Variants in RABGEF1 observed in about 807,000 individuals in gnomAD.
The protein encoded by RABGEF1 is RAB guanine nucleotide exchange factor 1, also known as rab5 GDP/GTP exchange factor.
RABGEF1 carries 26 observed loss-of-function variants against 57.3 expected under a neutral mutation model. The ratio of observed to expected loss-of-function variants is 0.45; its 90% CI spans 0.33 to 0.63. RABGEF1 has a LOEUF of 0.63. RABGEF1 is among the 20% of genes least tolerant of loss of function. RABGEF1 has a pLI of 0.02. For synonymous variants in RABGEF1, 185 were observed against 210.7 expected (o/e 0.88, Z 1.06); for missense variants, 464 against 607.6 (o/e 0.76, Z 2.48).
the RABGEF1 span, among the ~76,000 whole-genome samples, chr7:66,670,150 C>T: frequency 6.6e-6 from 1 of 152,188 alleles, no homozygotes; most frequent in African/African-American, 2.4e-5. Context: ...TGAGGTTCAC[C>T]ATGACCTGGT....
intron 1 of RABGEF1, among the ~76,000 whole-genome samples, chr7:66,761,909 G>A (rs919280993): frequency 6.6e-6 from 1 of 151,974 alleles, no homozygotes; most frequent in African/African-American, 2.4e-5. Context: ...AAATTAGCTG[G>A]GCATGGTGGC....
intron 1 of RABGEF1, among the ~76,000 whole-genome samples, chr7:66,742,480 C>T (rs1052422411): frequency 2.6e-5 from 4 of 152,032 alleles, no homozygotes; most frequent in Admixed American, 6.6e-5. Flanking sequence ...GGGTGTGGAG[C>T]CTGGAAGGGA....
chr7:66,742,890 A>G (rs1383886759), intron 1 of RABGEF1, among the ~76,000 whole-genome samples: 1 of 152,206 alleles, frequency 6.6e-6, no homozygotes, highest in Non-Finnish European at 1.5e-5. Context: ...TACAGGCATC[A>G]GCTACCGAGC....
At chr7:66,795,822 T>C (rs1192258561) in intron 5 of RABGEF1, among the ~76,000 whole-genome samples, 1 of 152,136 alleles carries the variant, frequency 6.6e-6, no homozygotes, top group Admixed American at 6.5e-5. Flanking sequence ...AATAACTCCA[T>C]TGGGGCAGGG....
upstream of RABGEF1, among the ~76,000 whole-genome samples, chr7:66,738,014 G>GTTTTTGTTTTTTTT: frequency 7.1e-6 from 1 of 139,902 alleles, no homozygotes; most frequent in Non-Finnish European, 1.6e-5. Flanking sequence ...TGTGTTTTTT[G>GTTTTTGTTTTTTTT]TTTTTTTTGT....
At chr7:66,757,562 A>G (rs1237428448) in intron 1 of RABGEF1, among the ~76,000 whole-genome samples, 3 of 152,240 alleles carry the variant, frequency 2.0e-5, no homozygotes, top group Non-Finnish European at 4.4e-5. Flanking sequence ...TGCAGAGGGA[A>G]CACTATAGGA....
chr7:66,751,185 C>T (rs6968492), intron 1 of RABGEF1, among the ~76,000 whole-genome samples: 10,712 of 152,184 alleles, frequency 0.07, 1,219 homozygotes, highest in African/African-American at 0.24. Flanking sequence ...CGTGCGCCAC[C>T]GCACCTGGCT....
At chr7:66,788,452 A>C (rs978229385) in intron 4 of RABGEF1, among the ~76,000 whole-genome samples, 8 of 151,022 alleles carry the variant, frequency 5.3e-5, no homozygotes, top group Non-Finnish European at 1.0e-4. Context: ...TCAAAAAAAA[A>C]CAAAAAACAA....
chr7:66,663,546 C>T, the RABGEF1 span, among the ~76,000 whole-genome samples: 3 of 141,356 alleles, frequency 2.1e-5, no homozygotes, highest in African/African-American at 5.3e-5. Flanking sequence ...CCACTGCACT[C>T]CAGCCTGGCG....
At chr7:66,655,178 G>A in the RABGEF1 span, among the ~76,000 whole-genome samples, 6 of 152,248 alleles carry the variant, frequency 3.9e-5, no homozygotes, top group African/African-American at 1.4e-4. Flanking sequence ...TTTGAAGCCT[G>A]TGGTCCTGAC....
intron 1 of RABGEF1, among the ~76,000 whole-genome samples, chr7:66,765,765 G>T (rs545208963): frequency 3.3e-5 from 5 of 152,284 alleles, no homozygotes; most frequent in East Asian, 1.9e-4. Context: ...CTCTAACACA[G>T]TTGGAGGCAA....
upstream of RABGEF1, among the ~76,000 whole-genome samples, chr7:66,677,689 G>A (rs564224026): frequency 6.6e-6 from 1 of 150,606 alleles, no homozygotes; most frequent in Admixed American, 6.7e-5. Flanking sequence ...GTGAACCCGG[G>A]AGGGGGAGAA....
intron 1 of RABGEF1, among the ~76,000 whole-genome samples, chr7:66,704,282 T>C (rs1318035383): frequency 6.6e-6 from 1 of 152,178 alleles, no homozygotes; most frequent in Non-Finnish European, 1.5e-5. Flanking sequence ...TAACCACTCT[T>C]TTAGTTGTTG....
At chr7:66,717,564 C>T (rs565334259) in intron 2 of RABGEF1, among the ~76,000 whole-genome samples, 1 of 152,114 alleles carries the variant, frequency 6.6e-6, no homozygotes, top group South Asian at 2.1e-4. Context: ...CAAGACCAGC[C>T]TGGCCAGTAT....
chr7:66,773,223 CATGA>C (rs1807648718), intron 2 of RABGEF1, among the ~76,000 whole-genome samples: 1 of 152,064 alleles, frequency 6.6e-6, no homozygotes, highest in Admixed American at 6.6e-5. Context: ...TAGCCGAGAA[CATGA>C]ATGATCTCCT....
At chr7:66,804,003 TGTGATTTCTGTAGCTAGTGGAGATCC>T (rs1787880952) in intron 7 of RABGEF1, among the ~76,000 whole-genome samples, 1 of 152,100 alleles carries the variant, frequency 6.6e-6, no homozygotes. Flanking sequence ...GTGTGAATGT[TGTGATTTCTGTAGCTAGTGGAGATCC>T]ACATGCTGGA....
At chr7:66,736,274 ATACTG>A (rs955363132), upstream of RABGEF1, among the ~76,000 whole-genome samples, 1 of 152,210 alleles carries the variant, frequency 6.6e-6, no homozygotes, top group African/African-American at 2.4e-5. Flanking sequence ...ACAGCAGAAA[ATACTG>A]AGAGAGGAGA....
intron 8 of RABGEF1, 75 bp from the exon 9 acceptor site, chr7:66,808,811 C>T: frequency 1.4e-6 from 2 of 1,380,390 alleles, no homozygotes; most frequent in East Asian, 2.3e-5. Context: ...GGTCTGTGAT[C>T]AAAAGATTTT....
At chr7:66,740,942 C>T (rs1007195578) in intron 1 of RABGEF1, 150 bp downstream of exon 1, 2 of 152,372 alleles carry the variant, frequency 1.3e-5, no homozygotes, top group East Asian at 1.9e-4. Context: ...TCCCGCTGTC[C>T]TTCGTCCCAC....
Sources: gnomAD v4.1 joint callset for allele counts (sites outside exome capture counted in the v4.1 genomes callset) on GRCh38, gnomAD v4.1.1 for gene constraint, MANE v1.5 for transcripts, NCBI Gene and HGNC (gene_info 2026-07-23, HGNC 2026-07-21) for gene names.